CHL1: variants seen among roughly 807,000 people sequenced by gnomAD.
CHL1 encodes cell adhesion molecule L1 like, also known as neural cell adhesion molecule L1-like protein.
In CHL1, 96 loss-of-function variants were observed where a neutral mutation model predicts 141.9. That is an observed-to-expected ratio of 0.68 (90% CI 0.57 to 0.80). The LOEUF (loss-of-function observed/expected upper bound fraction) is 0.80, where lower values mean the gene tolerates loss of function less well. CHL1 is among the 30% of genes least tolerant of loss of function. The pLI is 0.00. For missense variants in CHL1, 1,820 were observed against 1,457.2 expected, an observed-to-expected ratio of 1.25 and a Z score of -4.05; for synonymous variants, 613 against 502.2, an observed-to-expected ratio of 1.22 and a Z score of -2.95.
At position 383,858 on chromosome 3, in the gene CHL1, A is replaced by G; in HGVS notation, c.2219A>G (p.Gln740Arg). ...NPQNIRVQAS[Q>R]PKEMIIKWEP... ...CAAAACATAAGGGTTCAAGCCTCTCAACCCAAGGAAATGATTATAAAGTGG... is the reference window on the plus strand; with the variant it reads ...CAAAACATAAGGGTTCAAGCCTCTCGACCCAAGGAAATGATTATAAAGTGG... Residue 740 changes from glutamine to arginine, a missense_variant, in exon 19 of 28, where the codon CAA (glutamine) becomes CGA (arginine). Transcript: ENST00000256509. The G allele has an allele frequency of 6.2e-7, 1 of 1,609,934 alleles. No homozygotes were observed. The highest frequency in any genetic ancestry group is 8.5e-7 in the Non-Finnish European group (1 of 1,177,358).
chr3:349,323 T>TA (rs763160222), intron 9 of CHL1, 36 bp from the exon 10 acceptor site: 310 of 1,560,164 alleles, frequency 2.0e-4, no homozygotes, highest in Non-Finnish European at 2.5e-4. Flanking sequence ...TTTCCGCTTT[T>TA]AAAAAAATGT....
intron 1 of CHL1, among the ~76,000 whole-genome samples, chr3:210,169 A>G (rs1045495926): frequency 1.3e-5 from 2 of 152,252 alleles, no homozygotes; most frequent in Admixed American, 6.5e-5. Context: ...GGGAGAAATG[A>G]TGAAAAATAT....
intron 2 of CHL1, among the ~76,000 whole-genome samples, chr3:288,065 G>A (rs186576423): frequency 8.1e-4 from 124 of 152,252 alleles, no homozygotes; most frequent in African/African-American, 2.8e-3. Context: ...ACTATGACCC[G>A]CCTTCACTGG....
intron 2 of CHL1, among the ~76,000 whole-genome samples, chr3:255,748 G>C (rs1403411694): frequency 3.9e-5 from 6 of 152,104 alleles, no homozygotes; most frequent in Non-Finnish European, 8.8e-5. Flanking sequence ...GCCTTTGACT[G>C]CCTATTGCCA....
At chr3:218,387 T>G (rs139991196) in intron 1 of CHL1, among the ~76,000 whole-genome samples, 1 of 152,234 alleles carries the variant, frequency 6.6e-6, no homozygotes, top group Admixed American at 6.5e-5. Flanking sequence ...ATGATAATGG[T>G]ATCAAATGGA....
At chr3:200,538 C>T (rs909031303) in intron 1 of CHL1, among the ~76,000 whole-genome samples, 1 of 152,100 alleles carries the variant, frequency 6.6e-6, no homozygotes, top group Non-Finnish European at 1.5e-5. Context: ...CTAATTCAGT[C>T]GGAAGAGAAT....
At chr3:322,642 TAAA>T (rs1194400069) in intron 3 of CHL1, among the ~76,000 whole-genome samples, 1 of 86,136 alleles carries the variant, frequency 1.2e-5, no homozygotes, top group African/African-American at 7.7e-5. Flanking sequence ...TATATATATA[TAAA>T]ATATATATAT....
chr3:306,619 A>G (rs1699249171), intron 2 of CHL1, among the ~76,000 whole-genome samples: 1 of 152,178 alleles, frequency 6.6e-6, no homozygotes, highest in Non-Finnish European at 1.5e-5. Context: ...TTTGGTGTTT[A>G]GCATTTTTCA....
intron 2 of CHL1, among the ~76,000 whole-genome samples, chr3:282,177 G>T (rs976095291): frequency 1.3e-5 from 2 of 151,692 alleles, no homozygotes; most frequent in African/African-American, 4.8e-5. Context: ...TCTGTTCTGG[G>T]GAATACAATT....
At position 314,812 on chromosome 3, in the gene CHL1, CA is replaced by C. The variant is rs149748972; in HGVS notation, c.-94-4867del. Among the ~76,000 whole-genome samples, 876 of 152,082 alleles carry C rather than the reference CA, an allele frequency of 5.8e-3. 6 individuals are homozygous for C. The highest frequency in any genetic ancestry group is 0.02 in the African/African-American group (814 of 41,496). ...CCTAGACTAGAATTCATCCTAGGGT[CA>C]AAAGCCTACCAGATTCAAGAAGTGA... On this transcript the variant is annotated intron_variant, in intron 2 of 27. Coordinates refer to ENST00000256509, the MANE Select transcript of CHL1 (RefSeq NM_006614.4).
At position 319,738 on chromosome 3, in the gene CHL1, A is replaced by G. The variant is rs369145721; in HGVS notation, c.-39A>G. On this transcript the variant is annotated 5_prime_UTR_variant, in exon 3 of 28. Transcript: ENST00000256509. ...ACCAAAAGTGAGAGGAGACATTAAG[A>G]TTTTCATTCTTACCGGGTTGTCTTC... 1.2e-4 allele frequency: 161 copies of G among 1,390,818 alleles called. 1 individual carries two copies. The highest frequency in any genetic ancestry group is 1.6e-4 in the Non-Finnish European group (154 of 985,056). 86.2% of individuals were successfully genotyped at this position (1,390,818 alleles called of 1,614,324 possible).
intron 2 of CHL1, among the ~76,000 whole-genome samples, chr3:299,292 G>A (rs986724398): frequency 6.6e-6 from 1 of 152,168 alleles, no homozygotes; most frequent in Non-Finnish European, 1.5e-5. Context: ...AAATCTTGAA[G>A]GATGAGTGAA....
chr3:211,295 C>A (rs1699885742), intron 1 of CHL1, among the ~76,000 whole-genome samples: 1 of 152,186 alleles, frequency 6.6e-6, no homozygotes. Context: ...ATACCTATAA[C>A]TCTCAAAAGC....
intron 3 of CHL1, among the ~76,000 whole-genome samples, chr3:322,629 TTATATATATATATAAAATATATATATATA>T (rs1700660339): frequency 8.3e-6 from 1 of 119,894 alleles, no homozygotes; most frequent in South Asian, 2.4e-4. Context: ...CATCTCTAAA[TTATATATATATATAAAATATATATATATA>T]TATATATATA....
intron 2 of CHL1, among the ~76,000 whole-genome samples, chr3:292,186 T>G (rs1396169384): frequency 6.6e-6 from 1 of 152,202 alleles, no homozygotes; most frequent in Non-Finnish European, 1.5e-5. Context: ...TATAAAAATA[T>G]CTAAATGGTA....
chr3:261,349 A>G (rs943438859), intron 2 of CHL1, among the ~76,000 whole-genome samples: 2 of 152,146 alleles, frequency 1.3e-5, no homozygotes, highest in African/African-American at 4.8e-5. Flanking sequence ...AGGAAAGAGG[A>G]GAAGAGAAAA....
chr3:240,342 C>G (rs1574825497), intron 1 of CHL1, among the ~76,000 whole-genome samples: 1 of 152,124 alleles, frequency 6.6e-6, no homozygotes, highest in African/African-American at 2.4e-5. Context: ...TTTCCCTGAT[C>G]ATTAGTGATG....
intron 15 of CHL1, 64 bp from the exon 16 acceptor site, chr3:377,754 G>A: frequency 7.1e-7 from 1 of 1,398,984 alleles, no homozygotes; most frequent in Non-Finnish European, 9.8e-7. Flanking sequence ...ATTTTTAAAA[G>A]AATTGGGTTT....
At chr3:260,002 T>C (rs916762510) in intron 2 of CHL1, among the ~76,000 whole-genome samples, 1 of 152,182 alleles carries the variant, frequency 6.6e-6, no homozygotes, top group African/African-American at 2.4e-5. Flanking sequence ...TGGTGGCTCA[T>C]GCTTGCAATC....
Sources: gnomAD v4.1 joint callset for allele counts (sites outside exome capture counted in the v4.1 genomes callset) on GRCh38, gnomAD v4.1.1 for gene constraint, MANE v1.5 for transcripts, NCBI Gene and HGNC (gene_info 2026-07-23, HGNC 2026-07-21) for gene names.